The following NCBP1 variants were observed in gnomAD, a reference collection of about 807,000 sequenced individuals.
The protein encoded by NCBP1 is nuclear cap-binding protein subunit 1.
Under a neutral mutation model 111.7 loss-of-function variants are expected in NCBP1, and 16 were observed. The observed-to-expected ratio is 0.14, with a 90% CI of 0.10 to 0.22. The LOEUF is 0.22. Among genes scored for constraint, NCBP1 ranks in the 10% least tolerant of loss-of-function variants. The pLI, the probability that NCBP1 is intolerant of heterozygous loss-of-function variation, is 1.00. For synonymous variants in NCBP1, 304 were observed against 314.3 expected (o/e 0.97, Z 0.35); for missense variants, 607 against 957.5 (o/e 0.63, Z 4.83).
At chr9:97,641,973 C>T (rs1827219064) in intron 3 of NCBP1, among the ~76,000 whole-genome samples, 1 of 151,978 alleles carries the variant, frequency 6.6e-6, no homozygotes, top group African/African-American at 2.4e-5. Flanking sequence ...ATGTATGATA[C>T]TTACATTTTT....
chr9:97,647,979 T>C, intron 7 of NCBP1, 29 bp from the exon 8 acceptor site: 1 of 1,505,036 alleles, frequency 6.6e-7, no homozygotes, highest in South Asian at 1.2e-5. Context: ...GTTAATTATA[T>C]TAATGATTAA....
chr9:97,658,050 G>A (rs1354952276), intron 14 of NCBP1, among the ~76,000 whole-genome samples: 4 of 151,074 alleles, frequency 2.6e-5, no homozygotes, highest in Non-Finnish European at 5.9e-5. Context: ...TTTATTCATG[G>A]AGCCCTAGTT....
chr9:97,662,633 T>A (rs998317966), intron 17 of NCBP1, among the ~76,000 whole-genome samples: 6 of 152,246 alleles, frequency 3.9e-5, no homozygotes, highest in Non-Finnish European at 8.8e-5. Context: ...CAAGGCTTTA[T>A]ATTACTTGCA....
rs147264454 is a variant in NCBP1, at chr9:97,672,803, GATTTT to G, written c.*1610_*1614del. 0.04 allele frequency: 6,256 copies of G among 157,258 alleles called. 445 individuals carry two copies. Among genetic ancestry groups the G allele is most frequent in the African/African-American group, 0.14 (5,864 of 41,548 alleles). The allele number at this position is 157,258 out of a possible 1,614,324, so 9.7% of individuals were successfully genotyped here. ...AATAGTAAATATATTTTTTTCTTAT[GATTTT>G]ATTTTCTTTTCTCTAGCTTCATAAG... is the stretch of plus-strand genomic sequence containing the variant. On this transcript the variant is annotated 3_prime_UTR_variant, in exon 23 of 23. Coordinates refer to ENST00000375147, the MANE Select transcript of NCBP1 (RefSeq NM_002486.5).
At chr9:97,658,578 G>A (rs895794707) in intron 14 of NCBP1, 62 bp from the exon 15 acceptor site, 11 of 1,241,432 alleles carry the variant, frequency 8.9e-6, no homozygotes, top group African/African-American at 7.5e-5. Flanking sequence ...CAGGTAAGTC[G>A]GGTGTTACCG....
intron 13 of NCBP1, 46 bp from the exon 14 acceptor site, chr9:97,655,965 G>A (rs772464439): frequency 1.4e-5 from 22 of 1,540,044 alleles, no homozygotes; most frequent in Non-Finnish European, 1.8e-5. Context: ...ATGGGTGTAA[G>A]TGCAGATTAT....
chr9:97,657,069 G>A (rs574267919), intron 14 of NCBP1, among the ~76,000 whole-genome samples: 1 of 152,254 alleles, frequency 6.6e-6, no homozygotes, highest in African/African-American at 2.4e-5. Context: ...CCGGGTTCAC[G>A]CCATTCTCCT....
At chr9:97,655,238 T>C (rs1827616412) in intron 12 of NCBP1, among the ~76,000 whole-genome samples, 1 of 152,190 alleles carries the variant, frequency 6.6e-6, no homozygotes, top group African/African-American at 2.4e-5. Flanking sequence ...TGAGACAGGG[T>C]CTTGCTCTGT....
chr9:97,648,663 C>T (rs764965102), intron 8 of NCBP1, among the ~76,000 whole-genome samples: 12 of 152,156 alleles, frequency 7.9e-5, no homozygotes, highest in Non-Finnish European at 1.6e-4. Context: ...ATGCATAGAA[C>T]AAGAACAGTG....
intron 15 of NCBP1, 138 bp downstream of exon 15, chr9:97,658,881 ATTAGCCACTGT>A: frequency 1.5e-6 from 1 of 667,630 alleles, no homozygotes; most frequent in Admixed American, 2.5e-5. Flanking sequence ...GTGGTCTATC[ATTAGCCACTGT>A]TTTATTTGCC....
chr9:97,635,078 C>G (rs1031897645), intron 1 of NCBP1, among the ~76,000 whole-genome samples: 2 of 152,204 alleles, frequency 1.3e-5, no homozygotes, highest in African/African-American at 2.4e-5. Flanking sequence ...ATTTTATCTA[C>G]TAACGTTTGT....
chr9:97,649,090 T>C (rs572505709), intron 8 of NCBP1, among the ~76,000 whole-genome samples: 21 of 152,356 alleles, frequency 1.4e-4, no homozygotes, highest in African/African-American at 5.1e-4. Context: ...GTCTTGTGAT[T>C]ATTCATATTG....
chr9:97,653,370 C>T (rs1178448165), intron 10 of NCBP1, among the ~76,000 whole-genome samples: 1 of 152,174 alleles, frequency 6.6e-6, no homozygotes, highest in Non-Finnish European at 1.5e-5. Context: ...ATCTGCCTGC[C>T]TCAGCCTCCC....
chr9:97,669,932 C>CT (rs199830878), intron 22 of NCBP1: 115 of 550,958 alleles, frequency 2.1e-4, no homozygotes, highest in Middle Eastern at 1.0e-3. Context: ...CCCGCCCCAC[C>CT]TTTTTTTTGA....
intron 4 of NCBP1, 105 bp downstream of exon 4, chr9:97,643,465 C>A: frequency 2.5e-6 from 3 of 1,221,558 alleles, no homozygotes; most frequent in Non-Finnish European, 3.3e-6. Flanking sequence ...CATTCTCATT[C>A]ACTTTCATAG....
In NCBP1 at chr9:97,672,173, C is replaced by T. The variant is rs1828212298; in HGVS notation, c.*974C>T. 1 of 152,144 alleles carries T rather than the reference C, an allele frequency of 6.6e-6. No homozygotes were observed. Among genetic ancestry groups the T allele is most frequent in the Admixed American group, 6.5e-5 (1 of 15,276 alleles). 9.4% of individuals were successfully genotyped at this position (152,144 alleles called of 1,614,324 possible). On this transcript the variant is annotated 3_prime_UTR_variant, in exon 23 of 23. Coordinates refer to ENST00000375147, the MANE Select transcript of NCBP1 (RefSeq NM_002486.5). ...GATGACAGCAGTTTGTAAAATAATA[C>T]ACAAATATGAGGAATTGTCTGACAT...
At chr9:97,637,162 T>C (rs1827066625) in intron 1 of NCBP1, among the ~76,000 whole-genome samples, 1 of 152,104 alleles carries the variant, frequency 6.6e-6, no homozygotes, top group Admixed American at 6.6e-5. Context: ...ATTATACTTC[T>C]GTGTTGAGAC....
At position 97,664,541 on chromosome 9, in the gene NCBP1, A is replaced by G. The variant is rs74380673; in HGVS notation, c.1901+98A>G. On this transcript the variant is annotated intron_variant, in intron 19 of 22. Coordinates refer to ENST00000375147, the MANE Select transcript of NCBP1 (RefSeq NM_002486.5). Reference sequence around the variant, plus strand: ...TCAAATTCTGGTCCAAACCAGGTTGATATTAATATACTAATGGTCCAATCT... The same window carrying G: ...TCAAATTCTGGTCCAAACCAGGTTGGTATTAATATACTAATGGTCCAATCT... 8,909 of 754,510 alleles carry G rather than the reference A, an allele frequency of 0.012. 519 individuals are homozygous for G. The highest frequency in any genetic ancestry group is 0.1 in the Admixed American group (3,982 of 39,760). 46.7% of individuals were successfully genotyped at this position (754,510 alleles called of 1,614,324 possible).
Position 97,672,401 on chromosome 9 carries a change from T to C in NCBP1, c.*1202T>C, listed in dbSNP as rs926508809. On this transcript the variant is annotated 3_prime_UTR_variant, in exon 23 of 23. Transcript: ENST00000375147. ...TTGGTTTACCATACATTTTAGTGGC[T>C]ACAGAATGTAGTCTGCTTAATAAAT... 1.3e-5 allele frequency: 2 copies of C among 152,218 alleles called. No individual in the cohort carries two copies. The highest frequency in any genetic ancestry group is 2.4e-5 in the African/African-American group (1 of 41,464). 9.4% of individuals were successfully genotyped at this position (152,218 alleles called of 1,614,324 possible).
Sources: allele counts gnomAD v4.1 joint callset (sites outside exome capture counted in the v4.1 genomes callset), GRCh38; gene constraint gnomAD v4.1.1; transcripts MANE v1.5; gene names NCBI Gene and HGNC (gene_info 2026-07-23, HGNC 2026-07-21).